The following USH2A variants were observed in gnomAD, a reference collection of about 807,000 sequenced individuals.
The protein encoded by USH2A is usherin, also known as Usher syndrome 2A (autosomal recessive, mild).
In USH2A, 443 loss-of-function variants were observed where a neutral mutation model predicts 538.9. The ratio of observed to expected loss-of-function variants is 0.82; its 90% CI spans 0.76 to 0.89. The LOEUF (loss-of-function observed/expected upper bound fraction) is 0.89. Among genes scored for constraint, USH2A ranks in the 40% least tolerant of loss-of-function variants. USH2A has a pLI of 0.00. For missense variants in USH2A, 6,633 were observed against 6,324.8 expected (o/e 1.05, Z -1.65); for synonymous variants, 2,413 against 2,273.5 (o/e 1.06, Z -1.75).
At chr1:216,139,568 T>C (rs563429072) in intron 21 of USH2A, among the ~76,000 whole-genome samples, 22 of 152,198 alleles carry the variant, frequency 1.4e-4, no homozygotes, top group Non-Finnish European at 2.9e-4. Context: ...ACCTGGAAAA[T>C]AGACAAAGCA....
chr1:216,284,682 A>G (rs2036847803), intron 11 of USH2A, among the ~76,000 whole-genome samples: 1 of 152,172 alleles, frequency 6.6e-6, no homozygotes, highest in Non-Finnish European at 1.5e-5. Flanking sequence ...AGGGCTCAGA[A>G]GAAGGTAGGA....
chr1:216,140,361 C>T (rs773602232), intron 21 of USH2A, among the ~76,000 whole-genome samples: 1 of 152,074 alleles, frequency 6.6e-6, no homozygotes, highest in Non-Finnish European at 1.5e-5. Context: ...AAATATTGTA[C>T]CTCCTAGACT....
chr1:216,336,291 G>C (rs2037972843), intron 4 of USH2A, among the ~76,000 whole-genome samples: 1 of 151,250 alleles, frequency 6.6e-6, no homozygotes, highest in African/African-American at 2.4e-5. Flanking sequence ...AAAACCAACA[G>C]CTAACATCAT....
rs542841686 is a variant in USH2A at position 216,169,087 on chromosome 1, G to T, written c.4627+6165C>A. ...TAAACTGGCTCTGTCTAGGCAGTGG[G>T]CAAGGAGAACCCATTGAGTGGTTGC... On this transcript the variant is annotated intron_variant, in intron 21 of 71. Coordinates refer to ENST00000307340, the MANE Select transcript of USH2A (RefSeq NM_206933.4). 4.6e-5 allele frequency among the ~76,000 whole-genome samples: 7 copies of T among 152,244 alleles called. No individual in the cohort carries two copies. In the East Asian group the frequency reaches 1.4e-3, roughly 29 times the overall value.
rs2036149465 is a variant in USH2A at position 216,251,005 on chromosome 1, C to T, written c.2065G>A (p.Asp689Asn). Residue 689 changes from aspartate to asparagine, a missense_variant, in exon 12 of 72, where the codon GAT becomes AAT. Asp to Asn is a conservative substitution (Grantham distance 23, BLOSUM62 1). Coordinates refer to ENST00000307340, the MANE Select transcript of USH2A (RefSeq NM_206933.4). ...TTGCAGTTACAGGGACTGCAGCCAT[C>T]AGGATCCAACTCTTGTAGATTGTAG... ...GFYNLQELDP[D>N]GCSPCNCNTS... 1 of 1,614,070 alleles carries T rather than the reference C, an allele frequency of 6.2e-7. No homozygotes were observed. Among genetic ancestry groups the T allele is most frequent in the Non-Finnish European group, 8.5e-7 (1 of 1,179,996 alleles).
In USH2A at chr1:216,188,207, C is replaced by T. The variant is rs564295677; in HGVS notation, c.4396+2016G>A. On this transcript the variant is annotated intron_variant, in intron 20 of 71. Coordinates refer to ENST00000307340, the MANE Select transcript of USH2A (RefSeq NM_206933.4). ...TCTTTTACGCAACAGGATTTTGCCA[C>T]TGCAACCAATGAGGATACTATTAGC... Among the ~76,000 whole-genome samples the T allele has an allele frequency of 1.3e-4, 19 of 151,940 alleles. No individual in the cohort carries two copies. In the East Asian group the frequency reaches 3.7e-3, roughly 30 times the overall value.
intron 67 of USH2A, among the ~76,000 whole-genome samples, chr1:215,641,728 T>C (rs1274303111): frequency 1.3e-5 from 2 of 152,240 alleles, no homozygotes; most frequent in African/African-American, 4.8e-5. Context: ...ATTCTTTTTC[T>C]TTAAAAATCA....
At chr1:215,931,612 G>T (rs898052329) in intron 38 of USH2A, among the ~76,000 whole-genome samples, 4 of 151,920 alleles carry the variant, frequency 2.6e-5, no homozygotes, top group African/African-American at 9.7e-5. Flanking sequence ...AAAATACAAG[G>T]TTGCTGAGGT....
intron 44 of USH2A, among the ~76,000 whole-genome samples, chr1:215,853,688 A>G (rs1257063104): frequency 1.3e-5 from 2 of 152,170 alleles, no homozygotes; most frequent in Admixed American, 6.5e-5. Context: ...TTTCTGCCAG[A>G]TACCCTAAAT....
rs368754739 is a variant in USH2A at position 216,323,679 on chromosome 1, G to A, written c.1345C>T (p.Arg449Cys). 1.5e-5 allele frequency: 24 copies of A among 1,613,168 alleles called. No individual in the cohort carries two copies. The highest frequency in any genetic ancestry group is 6.7e-5 in the African/African-American group (5 of 74,808). Residue 449 changes from arginine (R) to cysteine (C), a missense_variant, in exon 8 of 72, where the codon CGT becomes TGT. Coordinates refer to ENST00000307340, the MANE Select transcript of USH2A (RefSeq NM_206933.4). The part of the protein sequence containing the change: ...LQLSNFTPYS[R>C]GNVTFSILTP... ...AGGATGCTAAATGTGACATTGCCAC[G>A]GGAATATGGAGTAAAACTGTTAATG...
intron 18 of USH2A, 62 bp from the exon 19 acceptor site, chr1:216,196,784 A>G: frequency 6.5e-7 from 1 of 1,546,776 alleles, no homozygotes; most frequent in Admixed American, 1.8e-5. Context: ...TATATTTTTA[A>G]ATTTAATTCA....
At chr1:215,858,031 T>C (rs1571753905) in intron 44 of USH2A, among the ~76,000 whole-genome samples, 1 of 152,162 alleles carries the variant, frequency 6.6e-6, no homozygotes, top group Non-Finnish European at 1.5e-5. Context: ...CTGTGGCAAC[T>C]AGGTGAACTT....
intron 61 of USH2A, among the ~76,000 whole-genome samples, chr1:215,698,257 T>C (rs994255551): frequency 1.3e-5 from 2 of 152,214 alleles, no homozygotes; most frequent in East Asian, 1.9e-4. Flanking sequence ...TTCCAAGTCT[T>C]GGATATTGTG....
chr1:216,329,583 T>C (rs982376138), intron 4 of USH2A, among the ~76,000 whole-genome samples: 2 of 152,096 alleles, frequency 1.3e-5, no homozygotes, highest in Non-Finnish European at 2.9e-5. Flanking sequence ...CCATGCTCAG[T>C]TCTTCCTCTC....
rs530401246 is a variant in USH2A at position 216,088,846 on chromosome 1, C to T, written c.4885+167G>A. On this transcript the variant is annotated intron_variant, in intron 23 of 71. Transcript: ENST00000307340. ...ACCTTCATGGATGAAAAACTGGTTGCCAGACTTCATCCTTTTAGGAGCATC... is the reference window on the plus strand; with the variant it reads ...ACCTTCATGGATGAAAAACTGGTTGTCAGACTTCATCCTTTTAGGAGCATC... Among the ~76,000 whole-genome samples the T allele has an allele frequency of 2.6e-5, 4 of 152,164 alleles. No homozygotes were observed. In the South Asian group the frequency reaches 8.3e-4, roughly 32 times the overall value.
chr1:215,775,372 G>A (rs901228700), intron 55 of USH2A, among the ~76,000 whole-genome samples: 2 of 152,108 alleles, frequency 1.3e-5, no homozygotes, highest in Non-Finnish European at 2.9e-5. Context: ...ATTTAGATAC[G>A]TTTGACAGTG....
intron 9 of USH2A, among the ~76,000 whole-genome samples, chr1:216,314,167 AT>A (rs1553249719): frequency 6.6e-6 from 1 of 151,818 alleles, no homozygotes; most frequent in Non-Finnish European, 1.5e-5. Context: ...CACTATCTCT[AT>A]TTGCTTCTTC....
At chr1:216,072,085 G>C (rs1165403327) in intron 29 of USH2A, among the ~76,000 whole-genome samples, 1 of 152,142 alleles carries the variant, frequency 6.6e-6, no homozygotes, top group Non-Finnish European at 1.5e-5. Flanking sequence ...ATGGAAACAC[G>C]TCTTTAGACA....
At chr1:216,260,097 C>G (rs1439071878) in intron 11 of USH2A, among the ~76,000 whole-genome samples, 1 of 151,820 alleles carries the variant, frequency 6.6e-6, no homozygotes, top group African/African-American at 2.4e-5. Flanking sequence ...TGTGCCTTTT[C>G]CTCTTTTTCT....
Sources: gnomAD v4.1 joint callset for allele counts (sites outside exome capture counted in the v4.1 genomes callset) on GRCh38, gnomAD v4.1.1 for gene constraint, MANE v1.5 for transcripts, NCBI Gene and HGNC (gene_info 2026-07-23, HGNC 2026-07-21) for gene names.